CELF2: variants seen among roughly 807,000 people sequenced by gnomAD.
The protein encoded by CELF2 is CUGBP Elav-like family member 2, also known as CUG triplet repeat RNA-binding protein 2.
Under a neutral mutation model 62.6 loss-of-function variants are expected in CELF2, and 8 were observed. The observed-to-expected ratio is 0.13, with a 90% CI of 0.07 to 0.23. CELF2 has a LOEUF of 0.23. Ranked by LOEUF, CELF2 falls within the 10% of genes least tolerant of loss-of-function variation. The pLI is 1.00. For missense variants in CELF2, 333 were observed against 671.0 expected, an observed-to-expected ratio of 0.50 and a Z score of 5.56; for synonymous variants, 258 against 250.0, an observed-to-expected ratio of 1.03 and a Z score of -0.30.
chr10:11,195,767 T>C (rs1327150431), intron 2 of CELF2, among the ~76,000 whole-genome samples: 1 of 152,200 alleles, frequency 6.6e-6, no homozygotes, highest in African/African-American at 2.4e-5. Flanking sequence ...AGGAACTGGC[T>C]CAGGGAGGCT....
chr10:10,642,147 G>A, the CELF2 span, among the ~76,000 whole-genome samples: 1 of 152,144 alleles, frequency 6.6e-6, no homozygotes, highest in Non-Finnish European at 1.5e-5. Flanking sequence ...GAGCAGAGAG[G>A]TCCAAGTCCT....
Position 11,247,278 on chromosome 10 carries a change from C to T in CELF2, c.355-1875C>T, listed in dbSNP as rs773683084. ...CTGAGAGCTGGGTGTTGCCCACCTT[C>T]ACCGCCCCTTCCCGTGGTCCTCCAT... On this transcript the variant is annotated intron_variant, in intron 3 of 12. Coordinates refer to ENST00000633077, the MANE Select transcript of CELF2 (RefSeq NM_001326342.2). The surrounding 1 kb of genome is among the most constrained non-coding windows in gnomAD (Gnocchi z 5.4). 6.6e-6 allele frequency among the ~76,000 whole-genome samples: 1 copy of T among 152,254 alleles called. No individual in the cohort carries two copies. Among genetic ancestry groups the T allele is most frequent in the Non-Finnish European group, 1.5e-5 (1 of 68,048 alleles).
At chr10:11,251,897 G>A (rs200291345) in intron 4 of CELF2, among the ~76,000 whole-genome samples, 6 of 152,192 alleles carry the variant, frequency 3.9e-5, no homozygotes, top group South Asian at 2.1e-4. Context: ...AGCAGAGGCC[G>A]GCCTGTCCAG....
At position 11,336,537 on chromosome 10, in the gene CELF2, A is replaced by G. The variant is rs1214411031; in HGVS notation, c.*7484A>G. The G allele has an allele frequency of 3.3e-5, 5 of 152,616 alleles. No individual in the cohort carries two copies. Among genetic ancestry groups the G allele is most frequent in the African/African-American group, 9.7e-5 (4 of 41,434 alleles). The allele number at this position is 152,616 out of a possible 1,614,324, so 9.5% of individuals were successfully genotyped here. ...AAGGACTCTGTTGTGTGTAAAGTTA[A>G]TGTGATTATTTTTCAAAGCAGTGTT... On this transcript the variant is annotated 3_prime_UTR_variant, in exon 13 of 13. Transcript: ENST00000633077. The surrounding 1 kb of genome is among the most constrained non-coding windows in gnomAD (Gnocchi z 5.4).
intron 4 of CELF2, among the ~76,000 whole-genome samples, chr10:11,251,477 A>G (rs1211019703): frequency 6.6e-6 from 1 of 151,960 alleles, no homozygotes. Flanking sequence ...GGCACACCCA[A>G]TGTTGCATGA....
At chr10:10,773,673 A>G in the CELF2 span, among the ~76,000 whole-genome samples, 380 of 152,306 alleles carry the variant, frequency 2.5e-3, 2 homozygotes, top group African/African-American at 8.6e-3. Flanking sequence ...CTAAAAATGC[A>G]AATCCTTTAT....
At chr10:10,710,239 G>A in the CELF2 span, among the ~76,000 whole-genome samples, 30 of 152,142 alleles carry the variant, frequency 2.0e-4, no homozygotes, top group African/African-American at 7.0e-4. Context: ...GCAAAATAAA[G>A]GGAGAAAAAT....
chr10:11,148,502 A>G (rs1289791544), intron 1 of CELF2, among the ~76,000 whole-genome samples: 1 of 152,216 alleles, frequency 6.6e-6, no homozygotes, highest in Middle Eastern at 3.2e-3. Flanking sequence ...AGAGACATAT[A>G]TGAATTTTAA....
rs2094578469 is a variant in CELF2 at position 11,311,875 on chromosome 10, T to C, written c.977-2264T>C. ...GAGAAAGAGAATGGGGGAAAGTCAA[T>C]ATAAGAGCAGCTAATAACCAAGAAC... is the stretch of plus-strand genomic sequence containing the variant. On this transcript the variant is annotated intron_variant, in intron 9 of 12. Coordinates refer to ENST00000633077, the MANE Select transcript of CELF2 (RefSeq NM_001326342.2). This position sits in a 1 kb window ranked among gnomAD's most constrained non-coding sequence, Gnocchi z 4.7. Among the ~76,000 whole-genome samples the C allele has an allele frequency of 6.6e-6, 1 of 151,968 alleles. No individual in the cohort carries two copies. The highest frequency in any genetic ancestry group is 6.6e-5 in the Admixed American group (1 of 15,252).
At chr10:10,734,305 C>G in the CELF2 span, among the ~76,000 whole-genome samples, 1 of 152,108 alleles carries the variant, frequency 6.6e-6, no homozygotes, top group Non-Finnish European at 1.5e-5. Context: ...TTGGGAAAAC[C>G]TTTGCAAGTT....
chr10:11,019,421 A>G (rs1216635010), intron 1 of CELF2, among the ~76,000 whole-genome samples: 1 of 152,124 alleles, frequency 6.6e-6, no homozygotes, highest in African/African-American at 2.4e-5. Context: ...CTGGCACCTT[A>G]TGGTACTCTG....
chr10:11,097,651 T>C (rs1435039629), intron 1 of CELF2, among the ~76,000 whole-genome samples: 1 of 152,220 alleles, frequency 6.6e-6, no homozygotes, highest in Admixed American at 6.5e-5. Context: ...ACCAAGTTTT[T>C]GTCTCTATTC....
At chr10:10,865,581 T>C (rs1266732018) in intron 1 of CELF2, among the ~76,000 whole-genome samples, 3 of 152,192 alleles carry the variant, frequency 2.0e-5, no homozygotes, top group African/African-American at 7.2e-5. Flanking sequence ...AAAATATTAA[T>C]ACAGTTCATT....
At chr10:10,835,372 C>T (rs1435256755) in intron 1 of CELF2, among the ~76,000 whole-genome samples, 2 of 142,704 alleles carry the variant, frequency 1.4e-5, no homozygotes, top group African/African-American at 5.4e-5. Flanking sequence ...ATTACAGGCT[C>T]CAGCAGATTG....
the CELF2 span, among the ~76,000 whole-genome samples, chr10:10,691,107 T>A: frequency 6.6e-6 from 1 of 152,056 alleles, no homozygotes; most frequent in Non-Finnish European, 1.5e-5. Flanking sequence ...CTGCACCCAC[T>A]AACTCGTCAT....
At chr10:10,708,707 A>T in the CELF2 span, among the ~76,000 whole-genome samples, 1 of 152,110 alleles carries the variant, frequency 6.6e-6, no homozygotes, top group East Asian at 1.9e-4. Flanking sequence ...CTTGCCTTGG[A>T]ATCTGATGGA....
At chr10:10,737,049 A>G in the CELF2 span, among the ~76,000 whole-genome samples, 1 of 152,188 alleles carries the variant, frequency 6.6e-6, no homozygotes, top group Non-Finnish European at 1.5e-5. Context: ...CGGATGAGCC[A>G]TCTGGTAGTT....
At chr10:11,174,725 A>G (rs1050267192) in intron 2 of CELF2, among the ~76,000 whole-genome samples, 1 of 152,230 alleles carries the variant, frequency 6.6e-6, no homozygotes, top group Admixed American at 6.5e-5. Context: ...GTGGGTCAAA[A>G]CCTGTCTCTT....
At chr10:10,985,685 C>T (rs961089826) in intron 2 of CELF2, among the ~76,000 whole-genome samples, 1 of 152,158 alleles carries the variant, frequency 6.6e-6, no homozygotes, top group African/African-American at 2.4e-5. Context: ...TTGGCCTTGC[C>T]GTGGTCATAA....
Sources: gnomAD v4.1 joint callset for allele counts (sites outside exome capture counted in the v4.1 genomes callset) on GRCh38, gnomAD v4.1.1 for gene constraint, Gnocchi (gnomAD v3.1) non-coding constraint, MANE v1.5 for transcripts, NCBI Gene and HGNC (gene_info 2026-07-23, HGNC 2026-07-21) for gene names.